Variants in CCBE1 observed in about 807,000 individuals in gnomAD.
CCBE1 encodes the protein collagen and calcium-binding EGF domain-containing protein 1.
Under a neutral mutation model 50.0 loss-of-function variants are expected in CCBE1, and 37 were observed. The ratio of observed to expected loss-of-function variants is 0.74; its 90% CI spans 0.57 to 0.97. The LOEUF (loss-of-function observed/expected upper bound fraction) is 0.97. Among genes scored for constraint, CCBE1 ranks in the 50% least tolerant of loss-of-function variants. The pLI is 0.00. For synonymous variants in CCBE1, 234 were observed against 203.7 expected, an observed-to-expected ratio of 1.15 and a Z score of -1.27; for missense variants, 538 against 523.8, an observed-to-expected ratio of 1.03 and a Z score of -0.26.
intron 2 of CCBE1, among the ~76,000 whole-genome samples, chr18:59,645,217 G>C (rs1028823378): frequency 1.4e-5 from 2 of 146,062 alleles, no homozygotes; most frequent in African/African-American, 5.0e-5. Context: ...AACAGAACGA[G>C]ACTCCGTCTC....
intron 2 of CCBE1, among the ~76,000 whole-genome samples, chr18:59,642,898 G>A (rs1281821948): frequency 1.4e-5 from 2 of 139,928 alleles, no homozygotes; most frequent in African/African-American, 2.7e-5. Flanking sequence ...GCAGTGAACC[G>A]AGATCGTGCC....
intron 2 of CCBE1, among the ~76,000 whole-genome samples, chr18:59,551,013 AAAAAAAAAAAAAAAAAGAAAAG>A (rs1915900451): frequency 1.8e-5 from 1 of 54,568 alleles, no homozygotes; most frequent in Non-Finnish European, 3.8e-5. Flanking sequence ...AAAAAAAAAA[AAAAAAAAAAAAAAAAAGAAAAG>A]AAAAGAAAAG....
intron 2 of CCBE1, among the ~76,000 whole-genome samples, chr18:59,660,980 A>G (rs1408073603): frequency 6.6e-6 from 1 of 151,694 alleles, no homozygotes; most frequent in Admixed American, 6.6e-5. Context: ...ATGACTACTC[A>G]ATGATCATGG....
intron 2 of CCBE1, among the ~76,000 whole-genome samples, chr18:59,570,787 A>G (rs999774730): frequency 3.9e-5 from 6 of 152,206 alleles, no homozygotes; most frequent in Non-Finnish European, 7.3e-5. Flanking sequence ...ACTGCTGCTG[A>G]GCCAAGGAAT....
intron 2 of CCBE1, among the ~76,000 whole-genome samples, chr18:59,552,636 T>C (rs1915970265): frequency 6.6e-6 from 1 of 152,136 alleles, no homozygotes; most frequent in South Asian, 2.1e-4. Flanking sequence ...GTAAACCTGG[T>C]TTGGAAAGAT....
At chr18:59,636,915 G>C (rs1165173889) in intron 2 of CCBE1, among the ~76,000 whole-genome samples, 1 of 152,206 alleles carries the variant, frequency 6.6e-6, no homozygotes, top group Non-Finnish European at 1.5e-5. Context: ...TGATTACCTT[G>C]ATAGTGTCTT....
chr18:59,697,167 G>T (rs1161802521), intron 1 of CCBE1, 45 bp downstream of exon 1: 5 of 1,546,344 alleles, frequency 3.2e-6, no homozygotes, highest in South Asian at 2.4e-5. Flanking sequence ...AGCCGGGCGC[G>T]CATCAAGCAG....
intron 2 of CCBE1, among the ~76,000 whole-genome samples, chr18:59,664,175 T>C (rs1041902249): frequency 6.6e-6 from 1 of 152,122 alleles, no homozygotes. Context: ...GGCAGCCCTA[T>C]AGGGGCTTTT....
rs189419281 is a variant in CCBE1 at position 59,680,514 on chromosome 18, T to C, written c.212+16115A>G. On this transcript the variant is annotated intron_variant, in intron 2 of 10. Coordinates refer to ENST00000439986, the MANE Select transcript of CCBE1 (RefSeq NM_133459.4). Reference sequence around the variant, plus strand: ...GAGATCAAGACCATGCTGGCTAACATGGTGAAACCCTGTCTCTACTAAAAA... The same window carrying C: ...GAGATCAAGACCATGCTGGCTAACACGGTGAAACCCTGTCTCTACTAAAAA... 5.5e-4 allele frequency among the ~76,000 whole-genome samples: 83 copies of C among 151,768 alleles called. 1 individual carries two copies. Among genetic ancestry groups the C allele is most frequent in the African/African-American group, 2.0e-3 (81 of 41,406 alleles).
chr18:59,627,240 C>T (rs2053797148), intron 2 of CCBE1, among the ~76,000 whole-genome samples: 1 of 152,084 alleles, frequency 6.6e-6, no homozygotes, highest in Non-Finnish European at 1.5e-5. Context: ...AGTAATTATA[C>T]AGAATATAAT....
rs557030831 is a variant in CCBE1, at chr18:59,615,498, G to A, written c.212+81131C>T. ...GTCAAGCCTGTCCTGACCAACTGTC[G>A]GAGAAAAAAAAAAAGACAGAAGAGA... On this transcript the variant is annotated intron_variant, in intron 2 of 10. Transcript: ENST00000439986. 6.8e-4 allele frequency among the ~76,000 whole-genome samples: 71 copies of A among 104,674 alleles called. 1 individual carries two copies. Among genetic ancestry groups the A allele is most frequent in the Admixed American group, 2.7e-3 (28 of 10,442 alleles). 68.7% of individuals were successfully genotyped at this position (104,674 alleles called of 152,430 possible). A position where few individuals can be genotyped will look rare whatever the true frequency, so the allele number is the denominator to read the frequency against.
chr18:59,540,594 C>G (rs1281315466), intron 2 of CCBE1, among the ~76,000 whole-genome samples: 1 of 152,170 alleles, frequency 6.6e-6, no homozygotes, highest in Non-Finnish European at 1.5e-5. Context: ...CTTCTCCCCA[C>G]TGATTTTCTT....
At chr18:59,645,084 T>C (rs536499343) in intron 2 of CCBE1, among the ~76,000 whole-genome samples, 1 of 152,090 alleles carries the variant, frequency 6.6e-6, no homozygotes, top group Non-Finnish European at 1.5e-5. Context: ...TGAAACCCCG[T>C]CTCTACTAAA....
At chr18:59,468,523 G>C (rs1413487559) in intron 4 of CCBE1, among the ~76,000 whole-genome samples, 1 of 152,184 alleles carries the variant, frequency 6.6e-6, no homozygotes, top group Non-Finnish European at 1.5e-5. Flanking sequence ...CCATTCACTT[G>C]GGAGTCACAA....
intron 5 of CCBE1, among the ~76,000 whole-genome samples, chr18:59,461,206 G>C (rs1303069717): frequency 6.6e-6 from 1 of 151,882 alleles, no homozygotes; most frequent in Non-Finnish European, 1.5e-5. Context: ...GTCAAGCCTA[G>C]GAACTTTCCA....
chr18:59,689,833 T>G (rs2054705518), intron 2 of CCBE1, among the ~76,000 whole-genome samples: 1 of 152,192 alleles, frequency 6.6e-6, no homozygotes, highest in African/African-American at 2.4e-5. Flanking sequence ...TGGAAGAAAC[T>G]TGCGGTACAT....
chr18:59,486,108 T>C (rs1022464770), intron 2 of CCBE1, among the ~76,000 whole-genome samples: 1 of 152,158 alleles, frequency 6.6e-6, no homozygotes, highest in African/African-American at 2.4e-5. Context: ...TGCTCCTTAA[T>C]CTTGCTGAGC....
In CCBE1 at chr18:59,495,287, CATGG is replaced by C. The variant is rs1011855415; in HGVS notation, c.213-15053_213-15050del. On this transcript the variant is annotated intron_variant, in intron 2 of 10. Transcript: ENST00000439986. ...ATAACAATTACGTAACTGTGATTAACATGGTTAATCACCGTTTATGTACTTTGGA... is the reference window on the plus strand; with the variant it reads ...ATAACAATTACGTAACTGTGATTAACTTAATCACCGTTTATGTACTTTGGA... Among the ~76,000 whole-genome samples, 337 of 151,792 alleles carry C rather than the reference CATGG, an allele frequency of 2.2e-3. 2 individuals are homozygous for C. Among genetic ancestry groups the C allele is most frequent in the African/African-American group, 7.8e-3 (322 of 41,338 alleles).
intron 2 of CCBE1, among the ~76,000 whole-genome samples, chr18:59,593,730 GA>G (rs1214852116): frequency 8.5e-5 from 13 of 152,106 alleles, no homozygotes; most frequent in African/African-American, 2.9e-4. Flanking sequence ...CATTGTGGGA[GA>G]AAAAAAGCAA....
Sources: gnomAD v4.1 joint callset for allele counts (sites outside exome capture counted in the v4.1 genomes callset) on GRCh38, gnomAD v4.1.1 for gene constraint, MANE v1.5 for transcripts, NCBI Gene and HGNC (gene_info 2026-07-23, HGNC 2026-07-21) for gene names.